Variants in SLC25A12 observed in about 807,000 individuals in gnomAD.
The protein encoded by SLC25A12 is electrogenic aspartate/glutamate antiporter SLC25A12, mitochondrial.
Under a neutral mutation model 83.3 loss-of-function variants are expected in SLC25A12, and 32 were observed. That is an observed-to-expected ratio of 0.38 (90% CI 0.29 to 0.52). SLC25A12 has a LOEUF of 0.52. Among genes scored for constraint, SLC25A12 ranks in the 20% least tolerant of loss-of-function variants. The pLI, the probability that SLC25A12 is intolerant of heterozygous loss-of-function variation, is 0.84. For synonymous variants in SLC25A12, 267 were observed against 291.1 expected, an observed-to-expected ratio of 0.92 and a Z score of 0.84; for missense variants, 611 against 835.6, an observed-to-expected ratio of 0.73 and a Z score of 3.31.
At chr2:171,868,615 G>T in intron 3 of SLC25A12, 66 bp downstream of exon 3, 11 of 1,540,776 alleles carry the variant, frequency 7.1e-6, no homozygotes, top group Non-Finnish European at 9.9e-6. Flanking sequence ...TGCCCAGCTG[G>T]TTTTTTAAAT....
chr2:171,827,476 A>G (rs34108287), intron 8 of SLC25A12, among the ~76,000 whole-genome samples: 37,887 of 151,944 alleles, frequency 0.25, 5,844 homozygotes, highest in Middle Eastern at 0.36. Context: ...TTGTAGGCTG[A>G]GCCTTCACTT....
intron 8 of SLC25A12, among the ~76,000 whole-genome samples, chr2:171,827,784 G>C (rs528337614): frequency 6.6e-6 from 1 of 152,284 alleles, no homozygotes; most frequent in South Asian, 2.1e-4. Context: ...CCCTCCACTG[G>C]TAACATATCT....
intron 3 of SLC25A12, among the ~76,000 whole-genome samples, chr2:171,860,406 C>G (rs1686098251): frequency 6.6e-6 from 1 of 151,996 alleles, no homozygotes; most frequent in African/African-American, 2.4e-5. Flanking sequence ...TGAGACCAGC[C>G]TGGCCAACAT....
At chr2:171,793,560 G>C in intron 14 of SLC25A12, 67 bp downstream of exon 14, 1 of 1,506,186 alleles carries the variant, frequency 6.6e-7, no homozygotes, top group Non-Finnish European at 9.2e-7. Flanking sequence ...TCAACTTGGA[G>C]GGAAGAAGTC....
intron 3 of SLC25A12, among the ~76,000 whole-genome samples, chr2:171,866,499 C>T (rs1323202164): frequency 2.8e-5 from 4 of 142,220 alleles, no homozygotes; most frequent in East Asian, 2.2e-4. Flanking sequence ...GGTGGCTGGC[C>T]GGGCAGAGGG....
intron 4 of SLC25A12, among the ~76,000 whole-genome samples, chr2:171,850,729 G>A (rs1412018171): frequency 6.6e-6 from 1 of 152,116 alleles, no homozygotes; most frequent in East Asian, 1.9e-4. Context: ...CCAAAGTGCT[G>A]GGATTACAGG....
chr2:171,889,778 T>C (rs1484664394), intron 2 of SLC25A12, among the ~76,000 whole-genome samples: 1 of 152,168 alleles, frequency 6.6e-6, no homozygotes, highest in East Asian at 1.9e-4. Context: ...GGGTTAAGGG[T>C]ATGGGCTCTG....
Position 171,848,014 on chromosome 2 carries a change from C to T in SLC25A12, c.326-3506G>A, listed in dbSNP as rs534165742. Among the ~76,000 whole-genome samples, 118 of 152,264 alleles carry T rather than the reference C, an allele frequency of 7.7e-4. No individual in the cohort carries two copies. The Middle Eastern group carries it at 0.017, about 22-fold the overall frequency. ...TGATGATTGGACTAGATGAAATACACATTAAATCATATATATTATGTAAAT... is the reference window on the plus strand; with the variant it reads ...TGATGATTGGACTAGATGAAATACATATTAAATCATATATATTATGTAAAT... On this transcript the variant is annotated intron_variant, in intron 4 of 17. Coordinates refer to ENST00000422440, the MANE Select transcript of SLC25A12 (RefSeq NM_003705.5).
At chr2:171,889,872 A>T (rs1453959122) in intron 2 of SLC25A12, among the ~76,000 whole-genome samples, 1 of 152,246 alleles carries the variant, frequency 6.6e-6, no homozygotes, top group Non-Finnish European at 1.5e-5. Context: ...AACCTGCTTC[A>T]TAAAGTTGTT....
At chr2:171,832,243 T>G (rs933001262) in intron 8 of SLC25A12, among the ~76,000 whole-genome samples, 1 of 152,140 alleles carries the variant, frequency 6.6e-6, no homozygotes, top group Admixed American at 6.5e-5. Context: ...GGTTCCCCAG[T>G]ATGAAAATAC....
chr2:171,874,274 C>T (rs1444471927), intron 2 of SLC25A12, among the ~76,000 whole-genome samples: 1 of 151,992 alleles, frequency 6.6e-6, no homozygotes, highest in Non-Finnish European at 1.5e-5. Flanking sequence ...TGCCTGTAAT[C>T]CCAGCTACTC....
Position 171,834,882 on chromosome 2 carries a change from CA to C in SLC25A12, c.613-18del, listed in dbSNP as rs1180789939. 1.9e-6 allele frequency: 3 copies of C among 1,611,978 alleles called. No homozygotes were observed. The highest frequency in any genetic ancestry group is 2.5e-6 in the Non-Finnish European group (3 of 1,179,078). ...TCCAGCTGCCTAGAAAATGACAACA[CA>C]AAAAGTTTAAAAAACAAACAAAAAC... is the stretch of plus-strand genomic sequence containing the variant. On this transcript the variant is annotated intron_variant, in intron 6 of 17. Transcript: ENST00000422440.
intron 2 of SLC25A12, among the ~76,000 whole-genome samples, chr2:171,885,630 C>T (rs1192219569): frequency 1.3e-5 from 2 of 151,988 alleles, no homozygotes; most frequent in African/African-American, 4.8e-5. Flanking sequence ...CAAGATCATG[C>T]CACTGCACTC....
intron 8 of SLC25A12, among the ~76,000 whole-genome samples, chr2:171,831,335 A>C (rs1232752598): frequency 6.6e-6 from 1 of 152,316 alleles, no homozygotes; most frequent in Middle Eastern, 3.4e-3. Flanking sequence ...GGCTCTGCTC[A>C]GTTTTGCATC....
intron 13 of SLC25A12, among the ~76,000 whole-genome samples, chr2:171,796,002 A>G (rs923153804): frequency 1.3e-5 from 2 of 152,190 alleles, no homozygotes; most frequent in Non-Finnish European, 1.5e-5. Context: ...GCTGGAGTGC[A>G]GTGGCAGGAA....
intron 5 of SLC25A12, among the ~76,000 whole-genome samples, chr2:171,843,598 C>A (rs890249902): frequency 6.6e-6 from 1 of 151,984 alleles, no homozygotes; most frequent in Non-Finnish European, 1.5e-5. Context: ...CACCACTGCA[C>A]TCCAGCCTGA....
intron 10 of SLC25A12, among the ~76,000 whole-genome samples, chr2:171,814,884 T>C (rs1684017743): frequency 1.3e-5 from 2 of 152,212 alleles, no homozygotes; most frequent in South Asian, 2.1e-4. Flanking sequence ...CAGCACTGCA[T>C]CCCAGACTTT....
chr2:171,811,262 T>A (rs961679937), intron 11 of SLC25A12, among the ~76,000 whole-genome samples: 65 of 152,304 alleles, frequency 4.3e-4, no homozygotes, highest in Non-Finnish European at 1.0e-4. Context: ...ATCATACATA[T>A]AGGCTACTGT....
intron 8 of SLC25A12, among the ~76,000 whole-genome samples, chr2:171,829,513 C>G (rs536315428): frequency 1.3e-5 from 2 of 152,258 alleles, no homozygotes; most frequent in Admixed American, 1.3e-4. Context: ...AAACCAAGGG[C>G]CCTGCTAAGT....
Sources: gnomAD v4.1 joint callset for allele counts (sites outside exome capture counted in the v4.1 genomes callset) on GRCh38, gnomAD v4.1.1 for gene constraint, MANE v1.5 for transcripts, NCBI Gene and HGNC (gene_info 2026-07-23, HGNC 2026-07-21) for gene names.